MGAT4A: variants seen among roughly 807,000 people sequenced by gnomAD.
MGAT4A encodes N-acetylglucosaminyltransferase IVa.
A neutral mutation model predicts 74.1 loss-of-function variants in MGAT4A; 33 were observed. The ratio of observed to expected loss-of-function variants is 0.45; its 90% confidence interval spans 0.34 to 0.60. The LOEUF (loss-of-function observed/expected upper bound fraction) is 0.60, where lower values mean the gene tolerates loss of function less well. Ranked by LOEUF, MGAT4A falls within the 20% of genes least tolerant of loss-of-function variation. The pLI, the probability that MGAT4A is intolerant of heterozygous loss-of-function variation, is 0.02. For missense variants in MGAT4A, 479 were observed against 628.3 expected (o/e 0.76, Z 2.54); for synonymous variants, 198 against 210.4 (o/e 0.94, Z 0.51).
chr2:98,622,677 G>T lies in MGAT4A; in HGVS notation c.*2889C>A. Reference sequence around the variant, plus strand: ...GGCAGAAAGGAGGGAGTAACTAACAGTGAGAGGCCCTGAGCACCCACCATA... The same window carrying T: ...GGCAGAAAGGAGGGAGTAACTAACATTGAGAGGCCCTGAGCACCCACCATA... On this transcript the variant is annotated 3_prime_UTR_variant, in exon 16 of 16. Coordinates refer to ENST00000393487, the MANE Select transcript of MGAT4A (RefSeq NM_012214.3). 1 of 985,608 alleles carries T rather than the reference G, an allele frequency of 1.0e-6. No homozygotes were observed. Among genetic ancestry groups the T allele is most frequent in the South Asian group, 4.7e-5 (1 of 21,290 alleles). 61.1% of individuals were successfully genotyped at this position (985,608 alleles called of 1,614,324 possible).
chr2:98,655,671 A>G lies in MGAT4A; in HGVS notation c.699-151T>C, dbSNP rs939186733. On this transcript the variant is annotated intron_variant, in intron 7 of 15. Coordinates refer to ENST00000393487, the MANE Select transcript of MGAT4A (RefSeq NM_012214.3). ...ATACACACACACTCACTTAGGACGA[A>G]GAGTCAAAGAAAATTCACTTTCCTC... 5.6e-6 allele frequency: 3 copies of G among 535,738 alleles called. No individual in the cohort carries two copies. The East Asian group carries it at 9.6e-5, about 17-fold the overall frequency. The allele number at this position is 535,738 out of a possible 1,614,324, so 33.2% of individuals were successfully genotyped here. A position where few individuals can be genotyped will look rare whatever the true frequency, so the allele number is the denominator to read the frequency against.
chr2:98,697,535 T>C (rs971155945), intron 2 of MGAT4A, among the ~76,000 whole-genome samples: 1 of 152,148 alleles, frequency 6.6e-6, no homozygotes, highest in Admixed American at 6.5e-5. Context: ...CCAATGTCAA[T>C]TTCCTGATTT....
At chr2:98,696,257 A>AT (rs1457414843) in intron 2 of MGAT4A, among the ~76,000 whole-genome samples, 1 of 152,192 alleles carries the variant, frequency 6.6e-6, no homozygotes, top group Non-Finnish European at 1.5e-5. Flanking sequence ...TATGCTCTTA[A>AT]TATATTCCTT....
intron 8 of MGAT4A, among the ~76,000 whole-genome samples, chr2:98,646,152 A>T (rs2104244146): frequency 6.6e-6 from 1 of 152,260 alleles, no homozygotes; most frequent in African/African-American, 2.4e-5. Context: ...ATAACCCTAA[A>T]ATCTTACATC....
intron 10 of MGAT4A, among the ~76,000 whole-genome samples, chr2:98,641,792 A>G (rs1701415072): frequency 6.6e-6 from 1 of 152,002 alleles, no homozygotes; most frequent in South Asian, 2.1e-4. Flanking sequence ...CACGAGATTG[A>G]GACCATTCTG....
Position 98,675,039 on chromosome 2 carries a change from T to C in MGAT4A, c.399A>G (p.Thr133=), listed in dbSNP as rs745844462. 3 of 1,608,660 alleles carry C rather than the reference T, an allele frequency of 1.9e-6. No individual in the cohort carries two copies. The highest frequency in any genetic ancestry group is 4.5e-5 in the East Asian group (2 of 44,824). ...QPAVQIGNGR[T]GVSIVMGIPT... ...TAAGAAACAAAATAAACATACCTCC[T>C]GTTCTTCCGTTGCCAATCTGTACAG... The change falls in exon 4 of 16, where the codon ACA becomes ACG. Residue 133 remains threonine (T), a synonymous_variant. Transcript: ENST00000393487.
Position 98,624,678 on chromosome 2 carries a change from G to A in MGAT4A, c.*888C>T. 1.0e-6 allele frequency: 1 copy of A among 981,686 alleles called. No individual in the cohort carries two copies. The highest frequency in any genetic ancestry group is 1.2e-6 in the Non-Finnish European group (1 of 826,528). The allele number at this position is 981,686 out of a possible 1,614,324, so 60.8% of individuals were successfully genotyped here. ...ATGGATTAAAGACAAAGATTAAAAA[G>A]GAAAGAAGAGTTTGTCATTTTACAT... On this transcript the variant is annotated 3_prime_UTR_variant, in exon 16 of 16. Coordinates refer to ENST00000393487, the MANE Select transcript of MGAT4A (RefSeq NM_012214.3).
chr2:98,656,306 T>C, intron 7 of MGAT4A, 46 bp downstream of exon 7: 1 of 1,249,866 alleles, frequency 8.0e-7, no homozygotes. Context: ...ATGTATTAAA[T>C]ATTTACACTC....
intron 2 of MGAT4A, among the ~76,000 whole-genome samples, chr2:98,713,036 G>A (rs972088073): frequency 6.6e-6 from 1 of 151,790 alleles, no homozygotes; most frequent in Non-Finnish European, 1.5e-5. Flanking sequence ...TGGTGTGATG[G>A]CACACACCTG....
intron 3 of MGAT4A, among the ~76,000 whole-genome samples, chr2:98,676,099 T>A (rs1701973789): frequency 6.6e-6 from 1 of 152,186 alleles, no homozygotes; most frequent in Non-Finnish European, 1.5e-5. Flanking sequence ...AATAATATTG[T>A]TTTAAAATTT....
intron 4 of MGAT4A, among the ~76,000 whole-genome samples, chr2:98,664,869 T>C (rs897777276): frequency 5.4e-4 from 82 of 152,354 alleles, no homozygotes; most frequent in South Asian, 8.3e-4. Flanking sequence ...GGAACACTTA[T>C]ACTGCATTAT....
rs535669835 is a variant in MGAT4A, at chr2:98,722,941, C to T, written c.94+3298G>A. On this transcript the variant is annotated intron_variant, in intron 2 of 15. Transcript: ENST00000393487. ...AGGAGCCATGCTCCTCCTGGCAAGACAGACACGTAACTACTCCTGCCCCAC... is the reference window on the plus strand; with the variant it reads ...AGGAGCCATGCTCCTCCTGGCAAGATAGACACGTAACTACTCCTGCCCCAC... Among the ~76,000 whole-genome samples, 511 of 152,294 alleles carry T rather than the reference C, an allele frequency of 3.4e-3. 1 individual carries two copies. The highest frequency in any genetic ancestry group is 6.1e-3 in the Non-Finnish European group (414 of 68,020).
intron 2 of MGAT4A, among the ~76,000 whole-genome samples, chr2:98,690,653 G>C (rs778335082): frequency 6.6e-5 from 10 of 152,132 alleles, no homozygotes; most frequent in Admixed American, 2.0e-4. Flanking sequence ...ACATCAGTGA[G>C]AACAAACTAT....
In MGAT4A at chr2:98,625,392, T is replaced by C. The variant is rs2104208401; in HGVS notation, c.*174A>G. ...GTTAAAATCTGAGGACAGCTTAGTT[T>C]CAAACAAATACAATTATTATGGGAG... On this transcript the variant is annotated 3_prime_UTR_variant, in exon 16 of 16. Coordinates refer to ENST00000393487, the MANE Select transcript of MGAT4A (RefSeq NM_012214.3). The C allele has an allele frequency of 7.0e-7, 1 of 1,434,698 alleles. No individual in the cohort carries two copies. The highest frequency in any genetic ancestry group is 3.2e-5 in the Admixed American group (1 of 31,296). The allele number at this position is 1,434,698 out of a possible 1,614,324, so 88.9% of individuals were successfully genotyped here.
intron 2 of MGAT4A, among the ~76,000 whole-genome samples, chr2:98,684,781 A>G (rs1702106580): frequency 6.6e-6 from 1 of 152,254 alleles, no homozygotes; most frequent in African/African-American, 2.4e-5. Flanking sequence ...ACTTCTTATC[A>G]GCAAGATGTA....
intron 2 of MGAT4A, among the ~76,000 whole-genome samples, chr2:98,693,916 G>GA (rs1156437958): frequency 1.3e-5 from 2 of 151,882 alleles, no homozygotes; most frequent in South Asian, 2.1e-4. Flanking sequence ...AAGAAGTCAG[G>GA]AAAAAAAATT....
rs780481093 is a variant in MGAT4A, at chr2:98,686,040, G to A, written c.95-7569C>T. On this transcript the variant is annotated intron_variant, in intron 2 of 15. Transcript: ENST00000393487. Reference sequence around the variant, plus strand: ...GGCGCTCATTAAAATGTTTAGGGCCGTAATCCTGAAGATTAACTTGGGACA... The same window carrying A: ...GGCGCTCATTAAAATGTTTAGGGCCATAATCCTGAAGATTAACTTGGGACA... Among the ~76,000 whole-genome samples the A allele has an allele frequency of 2.6e-5, 4 of 152,120 alleles. No homozygotes were observed. The South Asian group carries it at 6.2e-4, about 24-fold the overall frequency.
intron 2 of MGAT4A, among the ~76,000 whole-genome samples, chr2:98,700,887 G>A (rs1702346795): frequency 7.2e-6 from 1 of 139,112 alleles, no homozygotes; most frequent in Non-Finnish European, 1.5e-5. Context: ...GTAAGACTCT[G>A]TCTCAAAAAA....
chr2:98,663,651 A>C (rs1046081348), intron 4 of MGAT4A, among the ~76,000 whole-genome samples: 1 of 152,208 alleles, frequency 6.6e-6, no homozygotes, highest in African/African-American at 2.4e-5. Flanking sequence ...AATGCTCCAC[A>C]AAATAACAGT....
Sources: allele counts gnomAD v4.1 joint callset (sites outside exome capture counted in the v4.1 genomes callset), GRCh38; gene constraint gnomAD v4.1.1; transcripts MANE v1.5; gene names NCBI Gene and HGNC (gene_info 2026-07-23, HGNC 2026-07-21).